Variants in ERICH6B observed in about 807,000 individuals in gnomAD.
The protein encoded by ERICH6B is glutamate-rich protein 6B.
ERICH6B carries 69 observed loss-of-function variants against 80.0 expected under a neutral mutation model. The ratio of observed to expected loss-of-function variants is 0.86; its 90% CI spans 0.71 to 1.05. The LOEUF (loss-of-function observed/expected upper bound fraction) is 1.05. Ranked by LOEUF, ERICH6B falls within the 50% of genes least tolerant of loss-of-function variation. The pLI is 0.00. For synonymous variants in ERICH6B, 283 were observed against 291.9 expected, an observed-to-expected ratio of 0.97 and a Z score of 0.31; for missense variants, 754 against 796.1, an observed-to-expected ratio of 0.95 and a Z score of 0.64.
intron 14 of ERICH6B, among the ~76,000 whole-genome samples, chr13:45,543,268 C>G (rs1444516838): frequency 6.6e-6 from 1 of 152,200 alleles, no homozygotes; most frequent in Non-Finnish European, 1.5e-5. Context: ...CCTTCTTCCC[C>G]CACTACAGTT....
chr13:45,548,917 A>AT (rs1293627296), intron 13 of ERICH6B, among the ~76,000 whole-genome samples: 1 of 152,260 alleles, frequency 6.6e-6, no homozygotes, highest in Non-Finnish European at 1.5e-5. Context: ...AGTCTGCAGA[A>AT]TGAAAATCCT....
intron 7 of ERICH6B, among the ~76,000 whole-genome samples, chr13:45,577,673 T>C (rs993102270): frequency 6.6e-6 from 1 of 152,162 alleles, no homozygotes; most frequent in African/African-American, 2.4e-5. Context: ...AATTGCAGTG[T>C]TGTGATCATG....
intron 6 of ERICH6B, 93 bp downstream of exon 6, chr13:45,580,510 C>A: frequency 7.4e-7 from 1 of 1,345,334 alleles, no homozygotes; most frequent in South Asian, 1.3e-5. Flanking sequence ...GCATGCTCTC[C>A]TTGGCTGGGG....
rs183504468 is a variant in ERICH6B, at chr13:45,577,207, T to A, written c.962-2277A>T. ...GTGGCTCAGAGGACCAGTGCTAATGTAGGTCAATGCTAGCACACACTGTTC... is the reference window on the plus strand; with the variant it reads ...GTGGCTCAGAGGACCAGTGCTAATGAAGGTCAATGCTAGCACACACTGTTC... On this transcript the variant is annotated intron_variant, in intron 7 of 14. Coordinates refer to ENST00000298738, the MANE Select transcript of ERICH6B (RefSeq NM_182542.3). 2.0e-5 allele frequency among the ~76,000 whole-genome samples: 3 copies of A among 151,626 alleles called. No individual in the cohort carries two copies. In the East Asian group the frequency reaches 5.8e-4, roughly 29 times the overall value.
intron 2 of ERICH6B, among the ~76,000 whole-genome samples, chr13:45,606,363 T>C (rs1044788725): frequency 6.6e-6 from 1 of 151,166 alleles, no homozygotes; most frequent in African/African-American, 2.4e-5. Flanking sequence ...GTGTGAAAAA[T>C]ACCTTTCTAC....
intron 11 of ERICH6B, chr13:45,551,469 A>C (rs902974504): frequency 2.0e-5 from 3 of 152,168 alleles, no homozygotes; most frequent in Non-Finnish European, 2.9e-5. Flanking sequence ...TTATCAGAGA[A>C]AGCATTTAAA....
chr13:45,572,684 A>G (rs898420768), intron 8 of ERICH6B, among the ~76,000 whole-genome samples: 2 of 152,238 alleles, frequency 1.3e-5, no homozygotes, highest in African/African-American at 4.8e-5. Context: ...TTGGAAAACA[A>G]AATACAAACT....
intron 4 of ERICH6B, 78 bp from the exon 5 acceptor site, chr13:45,587,310 T>A: frequency 7.5e-7 from 1 of 1,330,390 alleles, no homozygotes; most frequent in Non-Finnish European, 1.0e-6. Context: ...ATGTTAGGGG[T>A]TGAGGGGGTG....
rs533819112 is a variant in ERICH6B at position 45,546,715 on chromosome 13, C to A, written c.1647-1730G>T. ...TGTACAGACAAACCGGGTTTGTCTG[C>A]CTTGTTTGGTTTCCAGCTCCCTCTG... On this transcript the variant is annotated intron_variant, in intron 13 of 14. Coordinates refer to ENST00000298738, the MANE Select transcript of ERICH6B (RefSeq NM_182542.3). Among the ~76,000 whole-genome samples the A allele has an allele frequency of 1.5e-3, 231 of 152,210 alleles. 2 individuals carry two copies. Among genetic ancestry groups the A allele is most frequent in the African/African-American group, 4.7e-3 (196 of 41,530 alleles).
chr13:45,563,526 A>G lies in ERICH6B; in HGVS notation c.1249+201T>C, dbSNP rs554512479. On this transcript the variant is annotated intron_variant, in intron 10 of 14. Transcript: ENST00000298738. ...CCCCCACCTGCCCCTGCCACCAAGA[A>G]AGAAACTCACTGGGGCCCTAGACTG... 159 of 602,344 alleles carry G rather than the reference A, an allele frequency of 2.6e-4. 2 individuals are homozygous for G. In the South Asian group the frequency reaches 3.1e-3, roughly 12 times the overall value. 37.3% of individuals were successfully genotyped at this position (602,344 alleles called of 1,614,324 possible). A position where few individuals can be genotyped will look rare whatever the true frequency, so the allele number is the denominator to read the frequency against.
chr13:45,609,254 C>A (rs1949886085), intron 1 of ERICH6B, among the ~76,000 whole-genome samples: 1 of 152,232 alleles, frequency 6.6e-6, no homozygotes, highest in Admixed American at 6.5e-5. Context: ...GGCCCCACAT[C>A]CTCTCCTGCC....
In ERICH6B at chr13:45,541,853, C is replaced by T. The variant is rs141665974; in HGVS notation, c.1873-173G>A. On this transcript the variant is annotated intron_variant, in intron 14 of 14. Transcript: ENST00000298738. ...GCCACCTTCCTGCTGCTTCCAAATA[C>T]GCTCACTTGGCTGGTGTTGCAGTCA... 1.0e-3 allele frequency among the ~76,000 whole-genome samples: 158 copies of T among 152,362 alleles called. 2 individuals carry two copies. The highest frequency in any genetic ancestry group is 1.1e-3 in the Non-Finnish European group (72 of 68,038).
chr13:45,600,923 C>T (rs1316679694), intron 2 of ERICH6B, among the ~76,000 whole-genome samples: 1 of 152,100 alleles, frequency 6.6e-6, no homozygotes, highest in Admixed American at 6.5e-5. Flanking sequence ...AAGAAGCCTG[C>T]TAAGTCAATT....
intron 1 of ERICH6B, among the ~76,000 whole-genome samples, chr13:45,608,586 T>C (rs1427609542): frequency 6.6e-6 from 1 of 152,236 alleles, no homozygotes; most frequent in Non-Finnish European, 1.5e-5. Flanking sequence ...TGCATGTTTT[T>C]TGTTAATCTG....
At chr13:45,570,185 T>C (rs1875092364) in intron 8 of ERICH6B, among the ~76,000 whole-genome samples, 1 of 152,200 alleles carries the variant, frequency 6.6e-6, no homozygotes, top group Non-Finnish European at 1.5e-5. Flanking sequence ...GGTAGGTGTA[T>C]TGGGGACCTC....
At chr13:45,580,856 G>T (rs1875627056) in intron 5 of ERICH6B, among the ~76,000 whole-genome samples, 191 bp from the exon 6 acceptor site, 1 of 152,092 alleles carries the variant, frequency 6.6e-6, no homozygotes, top group Admixed American at 6.5e-5. Context: ...CTTTGGCTTT[G>T]GTAAATCACT....
At chr13:45,564,625 A>T (rs1032279911) in intron 9 of ERICH6B, among the ~76,000 whole-genome samples, 1 of 152,180 alleles carries the variant, frequency 6.6e-6, no homozygotes, top group African/African-American at 2.4e-5. Flanking sequence ...CCTTATTCGT[A>T]CCCTAGAAGC....
chr13:45,575,060 T>G, intron 7 of ERICH6B, 130 bp from the exon 8 acceptor site: 2 of 625,020 alleles, frequency 3.2e-6, no homozygotes, highest in Non-Finnish European at 5.6e-6. Context: ...GCATACATCA[T>G]CAATGAGATG....
chr13:45,562,295 C>A (rs1343967864), intron 10 of ERICH6B, among the ~76,000 whole-genome samples: 1 of 152,178 alleles, frequency 6.6e-6, no homozygotes, highest in Non-Finnish European at 1.5e-5. Flanking sequence ...GTCTCAGCTG[C>A]CCAAAGTGTT....
Sources: allele counts gnomAD v4.1 joint callset (sites outside exome capture counted in the v4.1 genomes callset), GRCh38; gene constraint gnomAD v4.1.1; transcripts MANE v1.5; gene names NCBI Gene and HGNC (gene_info 2026-07-23, HGNC 2026-07-21).